The following UBALD2 variants were observed in gnomAD, a reference collection of about 807,000 sequenced individuals.
The protein encoded by UBALD2 is UBA-like domain-containing protein 2.
A neutral mutation model predicts 15.9 loss-of-function variants in UBALD2; 8 were observed. That is an observed-to-expected ratio of 0.50 (90% CI 0.29 to 0.91). The LOEUF (loss-of-function observed/expected upper bound fraction) is 0.91, where lower values mean the gene tolerates loss of function less well. UBALD2 is among the 40% of genes least tolerant of loss of function. The pLI is 0.07. For missense variants in UBALD2, 178 were observed against 234.8 expected, an observed-to-expected ratio of 0.76 and a Z score of 1.58; for synonymous variants, 113 against 97.7, an observed-to-expected ratio of 1.16 and a Z score of -0.93.
chr17:76,268,387 C>CG (rs1391300251), intron 2 of UBALD2, among the ~76,000 whole-genome samples: 1 of 151,986 alleles, frequency 6.6e-6, no homozygotes, highest in East Asian at 1.9e-4. Context: ...CGCTGGCTGG[C>CG]GGGGAACTGG....
chr17:76,268,088 T>G (rs947425909), intron 2 of UBALD2, among the ~76,000 whole-genome samples: 2 of 152,254 alleles, frequency 1.3e-5, no homozygotes, highest in Non-Finnish European at 2.9e-5. Context: ...CGTACATTAC[T>G]GTAGATTCCC....
At position 76,265,498 on chromosome 17, in the gene UBALD2, G is replaced by A; in HGVS notation, c.-8G>A. 1 of 1,205,866 alleles carries A rather than the reference G, an allele frequency of 8.3e-7. No homozygotes were observed. The allele number at this position is 1,205,866 out of a possible 1,614,324, so 74.7% of individuals were successfully genotyped here. A position where few individuals can be genotyped will look rare whatever the true frequency, so the allele number is the denominator to read the frequency against. On this transcript the variant is annotated 5_prime_UTR_variant, in exon 1 of 3. Coordinates refer to ENST00000327490, the MANE Select transcript of UBALD2 (RefSeq NM_182565.4). Reference sequence around the variant, plus strand: ...CCGGAGACGCCGGGCCCCGCGCCGCGCCGCGCCATGTCGGTGAACATGGAC... The same window carrying A: ...CCGGAGACGCCGGGCCCCGCGCCGCACCGCGCCATGTCGGTGAACATGGAC...
At chr17:76,267,955 G>A (rs1379242434) in intron 2 of UBALD2, among the ~76,000 whole-genome samples, 3 of 152,096 alleles carry the variant, frequency 2.0e-5, no homozygotes, top group Non-Finnish European at 4.4e-5. Flanking sequence ...CACTGCACCC[G>A]GCCTGGCAAT....
At position 76,265,523 on chromosome 17, in the gene UBALD2, C is replaced by G. The variant is rs1598466775; in HGVS notation, c.18C>G (p.Asp6Glu). Residue 6 changes from aspartate to glutamate, a missense_variant, in exon 1 of 3, where the codon GAC becomes GAG. Asp to Glu is a conservative substitution (Grantham distance 45). Coordinates refer to ENST00000327490, the MANE Select transcript of UBALD2 (RefSeq NM_182565.4). ...GCCGCGCCATGTCGGTGAACATGGA[C>G]GAGCTGCGGCACCAGGTCATGATCA... MSVNM[D>E]ELRHQVMINQ... The G allele has an allele frequency of 1.5e-6, 2 of 1,295,164 alleles. No homozygotes were observed. Among genetic ancestry groups the G allele is most frequent in the Non-Finnish European group, 2.0e-6 (2 of 997,034 alleles). 80.2% of individuals were successfully genotyped at this position (1,295,164 alleles called of 1,614,324 possible).
Position 76,269,233 on chromosome 17 carries a change from C to T in UBALD2, c.184-961C>T, listed in dbSNP as rs2070567549. On this transcript the variant is annotated intron_variant, in intron 2 of 2. Coordinates refer to ENST00000327490, the MANE Select transcript of UBALD2 (RefSeq NM_182565.4). The surrounding 1 kb of genome is among the most constrained non-coding windows in gnomAD (Gnocchi z 4.6). ...TCTGTGTTGCCTCTTGCCCATGCTGCTGACGAGGTGCTCCTGGATGGCACT... is the reference window on the plus strand; with the variant it reads ...TCTGTGTTGCCTCTTGCCCATGCTGTTGACGAGGTGCTCCTGGATGGCACT... Among the ~76,000 whole-genome samples, 1 of 152,180 alleles carries T rather than the reference C, an allele frequency of 6.6e-6. No individual in the cohort carries two copies. Among genetic ancestry groups the T allele is most frequent in the Admixed American group, 6.5e-5 (1 of 15,284 alleles).
Position 76,270,623 on chromosome 17 carries a change from G to A in UBALD2, c.*118G>A. The A allele has an allele frequency of 9.9e-7, 1 of 1,010,238 alleles. No homozygotes were observed. The highest frequency in any genetic ancestry group is 1.3e-6 in the Non-Finnish European group (1 of 743,926). 62.6% of individuals were successfully genotyped at this position (1,010,238 alleles called of 1,614,324 possible). On this transcript the variant is annotated 3_prime_UTR_variant, in exon 3 of 3. Coordinates refer to ENST00000327490, the MANE Select transcript of UBALD2 (RefSeq NM_182565.4). ...AGGGGGTTTCCCGAAGATCGCACTG[G>A]AAGATTTTATAAAAGAATTTTTGTG... is the stretch of plus-strand genomic sequence containing the variant.
Position 76,270,717 on chromosome 17 carries a change from CTG to C in UBALD2, c.*214_*215del, listed in dbSNP as rs1269005928. 4 of 477,776 alleles carry C rather than the reference CTG, an allele frequency of 8.4e-6. No individual in the cohort carries two copies. Among genetic ancestry groups the C allele is most frequent in the African/African-American group, 2.0e-5 (1 of 48,974 alleles). 29.6% of individuals were successfully genotyped at this position (477,776 alleles called of 1,614,324 possible). A position where few individuals can be genotyped will look rare whatever the true frequency, so the allele number is the denominator to read the frequency against. The stretch of plus-strand genomic sequence containing the variant: ...GGAGTTTTTCAGGCAAGTTTTTCCT[CTG>C]TTTTTAATATATAACTATAATATAT... On this transcript the variant is annotated 3_prime_UTR_variant, in exon 3 of 3. Coordinates refer to ENST00000327490, the MANE Select transcript of UBALD2 (RefSeq NM_182565.4).
At chr17:76,268,456 T>C (rs565513200) in intron 2 of UBALD2, among the ~76,000 whole-genome samples, 1 of 151,476 alleles carries the variant, frequency 6.6e-6, no homozygotes, top group African/African-American at 2.4e-5. Flanking sequence ...TCATTCATTG[T>C]TTCCTGCTGC....
At chr17:76,265,761 G>T in intron 1 of UBALD2, 136 bp downstream of exon 1, 1 of 1,351,568 alleles carries the variant, frequency 7.4e-7, no homozygotes, top group Non-Finnish European at 9.6e-7. Context: ...GACCGGGGCC[G>T]GGACCGGCTC....
rs750837921 is a variant in UBALD2 at position 76,265,895 on chromosome 17, G to C, written c.121-12G>C. On this transcript the variant is annotated splice_polypyrimidine_tract_variant and intron_variant, in intron 1 of 2. Transcript: ENST00000327490. ...GCCTGGCCCGCCGTGTCACTGCCCT[G>C]TTTGTCCGCAGACCGCGCTGAGCAC... The C allele has an allele frequency of 3.1e-6, 5 of 1,601,558 alleles. No homozygotes were observed. The highest frequency in any genetic ancestry group is 4.3e-6 in the Non-Finnish European group (5 of 1,174,806).
Position 76,271,202 on chromosome 17 carries a change from G to A in UBALD2, c.*697G>A, listed in dbSNP as rs1045166. 5,946 of 152,338 alleles carry A rather than the reference G, an allele frequency of 0.039. 161 individuals are homozygous for A. Among genetic ancestry groups the A allele is most frequent in the South Asian group, 0.069 (335 of 4,826 alleles). 9.4% of individuals were successfully genotyped at this position (152,338 alleles called of 1,614,324 possible). On this transcript the variant is annotated 3_prime_UTR_variant, in exon 3 of 3. Transcript: ENST00000327490. ...CCCGCTGCGTGTCCAGGTCCAAAGT[G>A]GAGAGCCTGCCTTTGGGTTTAGTTC...
chr17:76,268,404 C>A (rs924676516), intron 2 of UBALD2, among the ~76,000 whole-genome samples: 4 of 151,734 alleles, frequency 2.6e-5, no homozygotes, highest in East Asian at 1.9e-4. Flanking sequence ...CTGGGGAAGT[C>A]GGTCACGATG....
chr17:76,268,496 G>GGGT lies in UBALD2; in HGVS notation c.184-1696_184-1695insTGG, dbSNP rs1358447784. Among the ~76,000 whole-genome samples, 1,477 of 151,958 alleles carry GGGT rather than the reference G, an allele frequency of 9.7e-3. 30 individuals are homozygous for GGGT. Among genetic ancestry groups the GGGT allele is most frequent in the African/African-American group, 0.034 (1,410 of 41,282 alleles). On this transcript the variant is annotated intron_variant, in intron 2 of 2. Coordinates refer to ENST00000327490, the MANE Select transcript of UBALD2 (RefSeq NM_182565.4). Reference sequence around the variant, plus strand: ...AAGTCATCCCCAGAGGGTGGGGGGGGGGCAGGGAGTAGTGGAGGGAGGAGG... The same window carrying GGGT: ...AAGTCATCCCCAGAGGGTGGGGGGGGGGTGGCAGGGAGTAGTGGAGGGAGGAGG...
chr17:76,270,538 G>A lies in UBALD2; in HGVS notation c.*33G>A. The A allele has an allele frequency of 7.0e-7, 1 of 1,429,360 alleles. No homozygotes were observed. The highest frequency in any genetic ancestry group is 9.1e-7 in the Non-Finnish European group (1 of 1,095,852). 88.5% of individuals were successfully genotyped at this position (1,429,360 alleles called of 1,614,324 possible). On this transcript the variant is annotated 3_prime_UTR_variant, in exon 3 of 3. Transcript: ENST00000327490. Reference sequence around the variant, plus strand: ...CGCCGCCGGGCGCTGGGCTGGAGCTGGGGGCAGCCCAGGGTTGTGGGGACA... The same window carrying A: ...CGCCGCCGGGCGCTGGGCTGGAGCTAGGGGCAGCCCAGGGTTGTGGGGACA...
chr17:76,268,355 G>A (rs895462155), intron 2 of UBALD2, among the ~76,000 whole-genome samples: 2 of 152,246 alleles, frequency 1.3e-5, no homozygotes, highest in Non-Finnish European at 2.9e-5. Context: ...GTTCTCTGGC[G>A]GCTGTTTGAG....
chr17:76,268,452 A>C (rs886837958), intron 2 of UBALD2, among the ~76,000 whole-genome samples: 1 of 148,436 alleles, frequency 6.7e-6, no homozygotes, highest in Non-Finnish European at 1.5e-5. Context: ...CCCTTCATTC[A>C]TTGTTTCCTG....
chr17:76,270,165 C>T, intron 2 of UBALD2, 29 bp from the exon 3 acceptor site: 1 of 1,605,594 alleles, frequency 6.2e-7, no homozygotes. Context: ...CCCGAGGCAG[C>T]CTCCCCACAC....
rs752041253 is a variant in UBALD2, at chr17:76,270,226, G to A, written c.216G>A (p.Pro72=). ...MCTPSNTPAT[P]PNFPDALAMF... ...CTCCCAGCAACACCCCTGCCACGCC[G>A]CCCAACTTCCCCGATGCGCTGGCCA... The change falls in exon 3 of 3, where the codon CCG becomes CCA. Residue 72 remains proline, a synonymous_variant. Coordinates refer to ENST00000327490, the MANE Select transcript of UBALD2 (RefSeq NM_182565.4). The A allele has an allele frequency of 1.1e-5, 18 of 1,612,580 alleles. No homozygotes were observed. Among genetic ancestry groups the A allele is most frequent in the Admixed American group, 1.7e-5 (1 of 59,992 alleles).
In UBALD2 at chr17:76,265,488, CCCGCG is replaced by C. The variant is rs748912041; in HGVS notation, c.-5_-1del. 7.6e-4 allele frequency: 880 copies of C among 1,158,032 alleles called. 2 individuals carry two copies. Among genetic ancestry groups the C allele is most frequent in the Non-Finnish European group, 9.1e-4 (843 of 925,334 alleles). The allele number at this position is 1,158,032 out of a possible 1,614,324, so 71.7% of individuals were successfully genotyped here. A position where few individuals can be genotyped will look rare whatever the true frequency, so the allele number is the denominator to read the frequency against. On this transcript the variant is annotated 5_prime_UTR_variant, in exon 1 of 3. Coordinates refer to ENST00000327490, the MANE Select transcript of UBALD2 (RefSeq NM_182565.4). ...CTGCGTCCGGCCGGAGACGCCGGGC[CCCGCG>C]CCGCGCCGCGCCATGTCGGTGAACA... is the stretch of plus-strand genomic sequence containing the variant.
Sources: gnomAD v4.1 joint callset for allele counts (sites outside exome capture counted in the v4.1 genomes callset) on GRCh38, gnomAD v4.1.1 for gene constraint, Gnocchi (gnomAD v3.1) non-coding constraint, MANE v1.5 for transcripts, NCBI Gene and HGNC (gene_info 2026-07-23, HGNC 2026-07-21) for gene names.